Variants in ABCC8 observed in about 807,000 individuals in gnomAD.
ABCC8 encodes ATP-binding cassette sub-family C member 8.
In ABCC8, 137 loss-of-function variants were observed where a neutral mutation model predicts 188.0. The observed-to-expected ratio is 0.73, with a 90% CI of 0.63 to 0.84. The LOEUF is 0.84. Ranked by LOEUF, ABCC8 falls within the 40% of genes least tolerant of loss-of-function variation. The pLI is 0.00. For synonymous variants in ABCC8, 797 were observed against 846.5 expected (o/e 0.94, Z 1.01); for missense variants, 1,750 against 2,072.7 (o/e 0.84, Z 3.02).
intron 4 of ABCC8, among the ~76,000 whole-genome samples, chr11:17,462,179 T>C (rs1957219158): frequency 6.6e-6 from 1 of 152,200 alleles, no homozygotes; most frequent in Non-Finnish European, 1.5e-5. Context: ...CTCCAAGTCA[T>C]GCAGACCTGG....
At chr11:17,428,256 C>T (rs1955678239) in intron 14 of ABCC8, 33 bp downstream of exon 14, 1 of 1,613,758 alleles carries the variant, frequency 6.2e-7, no homozygotes, top group South Asian at 1.1e-5. Flanking sequence ...GGAGTTGGTG[C>T]TGGGTGGCCA....
At chr11:17,462,751 G>A (rs186572891) in intron 4 of ABCC8, among the ~76,000 whole-genome samples, 2 of 151,572 alleles carry the variant, frequency 1.3e-5, no homozygotes, top group African/African-American at 4.9e-5. Context: ...TGGCTTGGAG[G>A]GAGTCCCAAG....
At position 17,467,613 on chromosome 11, in the gene ABCC8, T is replaced by C. The variant is rs376894962; in HGVS notation, c.412+2488A>G. The stretch of plus-strand genomic sequence containing the variant: ...TTCAGAGAACATTTCCTTGGCCTCA[T>C]CTGGGTTCCAGGATCATGGTTCCCT... On this transcript the variant is annotated intron_variant, in intron 3 of 38. Coordinates refer to ENST00000389817, the MANE Select transcript of ABCC8 (RefSeq NM_000352.6). 1.2e-4 allele frequency among the ~76,000 whole-genome samples: 19 copies of C among 152,380 alleles called. No homozygotes were observed. The South Asian group carries it at 1.7e-3, about 13-fold the overall frequency.
chr11:17,465,681 C>T (rs1441032835), intron 3 of ABCC8: 2 of 152,228 alleles, frequency 1.3e-5, no homozygotes, highest in Non-Finnish European at 2.9e-5. Flanking sequence ...CCTCGCCCCA[C>T]ACCTCTCCCA....
Position 17,427,132 on chromosome 11 carries a change from C to T in ABCC8, c.2139G>A (p.Gly713=). The T allele has an allele frequency of 1.9e-6, 3 of 1,613,434 alleles. No homozygotes were observed. The highest frequency in any genetic ancestry group is 2.5e-6 in the Non-Finnish European group (3 of 1,179,746). Residue 713 remains glycine (G), a synonymous_variant, in exon 16 of 39, where the codon GGG becomes GGA. Coordinates refer to ENST00000389817, the MANE Select transcript of ABCC8 (RefSeq NM_000352.6). The surrounding 1 kb of genome is among the most constrained non-coding windows in gnomAD (Gnocchi z 5.0). ...GCGAGGACTTGCCGCAGCCCACCTGCCCCACGATCATAGTCAGCTGGCCTG... is the reference window on the plus strand; with the variant it reads ...GCGAGGACTTGCCGCAGCCCACCTGTCCCACGATCATAGTCAGCTGGCCTG... The part of the protein sequence containing the change: ...IPRGQLTMIV[G]QVGCGKSSLL...
At chr11:17,398,311 G>A (rs1209404369) in intron 30 of ABCC8, 28 bp downstream of exon 30, 1 of 1,613,618 alleles carries the variant, frequency 6.2e-7, no homozygotes, top group Admixed American at 1.7e-5. Flanking sequence ...TCCTATCAGA[G>A]GCCAGGGTAG....
Position 17,398,436 on chromosome 11 carries a change from T to C in ABCC8, c.3656A>G (p.Glu1219Gly). 6.2e-7 allele frequency: 1 copy of C among 1,614,038 alleles called. No homozygotes were observed. The highest frequency in any genetic ancestry group is 2.2e-5 in the East Asian group (1 of 44,872). Residue 1219 changes from glutamate (E) to glycine (G), a missense_variant, in exon 30 of 39, where the codon GAG (glutamate) becomes GGG (glycine). Transcript: ENST00000389817. ...GLTTIRAFRY[E>G]ARFQQKLLEY... ...GAGAAGCTTCTGCTGGAACCGGGCC[T>C]CATACCTGGAGGGAGGATGAGAAGC...
chr11:17,455,583 C>G (rs545813642), intron 6 of ABCC8, among the ~76,000 whole-genome samples: 7 of 152,066 alleles, frequency 4.6e-5, no homozygotes, highest in Non-Finnish European at 7.3e-5. Context: ...CATTATTAGA[C>G]CTCTCTTCAA....
chr11:17,450,260 CTCTTTCTTTCTTTCTTTCTTTCTT>C lies in ABCC8; in HGVS notation c.1177-1613_1177-1590del, dbSNP rs58452277. On this transcript the variant is annotated intron_variant, in intron 7 of 38. Coordinates refer to ENST00000389817, the MANE Select transcript of ABCC8 (RefSeq NM_000352.6). Reference sequence around the variant, plus strand: ...TTCTTTTCTTTTTCTTTCTTTCTTTCTCTTTCTTTCTTTCTTTCTTTCTTTCTTTCTTTCTTTCTTTCTTTCTTT... The same window carrying C: ...TTCTTTTCTTTTTCTTTCTTTCTTTCTCTTTCTTTCTTTCTTTCTTTCTTT... Among the ~76,000 whole-genome samples the C allele has an allele frequency of 4.4e-4, 30 of 67,708 alleles. No individual in the cohort carries two copies. In the South Asian group the frequency reaches 6.3e-3, roughly 14 times the overall value. 44.4% of individuals were successfully genotyped at this position (67,708 alleles called of 152,430 possible).
At chr11:17,443,821 C>T (rs1956419599) in intron 8 of ABCC8, among the ~76,000 whole-genome samples, 1 of 152,140 alleles carries the variant, frequency 6.6e-6, no homozygotes, top group African/African-American at 2.4e-5. Flanking sequence ...ATGAATCTGC[C>T]AGGTATTCCC....
chr11:17,415,473 G>A (rs1260751140), intron 17 of ABCC8, 134 bp from the exon 18 acceptor site: 4 of 1,531,156 alleles, frequency 2.6e-6, no homozygotes, highest in Non-Finnish European at 3.5e-6. Flanking sequence ...AGCCACAAAT[G>A]CTGCATAGAG....
intron 10 of ABCC8, among the ~76,000 whole-genome samples, chr11:17,433,554 C>T (rs1955943900): frequency 1.3e-5 from 2 of 152,252 alleles, no homozygotes; most frequent in Admixed American, 1.3e-4. Context: ...GGTGGAAGGA[C>T]ATGGCCTCTG....
chr11:17,443,492 A>T, intron 8 of ABCC8, 180 bp from the exon 9 acceptor site: 1 of 958,608 alleles, frequency 1.0e-6, no homozygotes, highest in Non-Finnish European at 1.6e-6. Flanking sequence ...TTTCAAAAGG[A>T]GGTTAGCATA....
In ABCC8 at chr11:17,420,417, C is replaced by G. The variant is rs550759065; in HGVS notation, c.2223-3455G>C. 6.6e-5 allele frequency among the ~76,000 whole-genome samples: 10 copies of G among 152,302 alleles called. No individual in the cohort carries two copies. The East Asian group carries it at 1.9e-3, about 29-fold the overall frequency. On this transcript the variant is annotated intron_variant, in intron 16 of 38. Transcript: ENST00000389817. ...GGGCCATCTGGTTCCCATGGCTGGA[C>G]AGTCACTTCCTCAGAGCATCCCTTC...
Position 17,404,376 on chromosome 11 carries a change from T to G in ABCC8, c.3557+136A>C. The G allele has an allele frequency of 4.3e-6, 4 of 926,000 alleles. No homozygotes were observed. The highest frequency in any genetic ancestry group is 2.5e-5 in the East Asian group (1 of 40,772). 57.4% of individuals were successfully genotyped at this position (926,000 alleles called of 1,614,324 possible). On this transcript the variant is annotated intron_variant, in intron 28 of 38. Coordinates refer to ENST00000389817, the MANE Select transcript of ABCC8 (RefSeq NM_000352.6). This position sits in a 1 kb window ranked among gnomAD's most constrained non-coding sequence, Gnocchi z 4.7. ...GTGGAATAAGATGTGGATATTTCTA[T>G]TTCCTTCATTTCTGTTTTTTGTTTT...
At chr11:17,463,226 C>G (rs373510469) in intron 4 of ABCC8, among the ~76,000 whole-genome samples, 8 of 152,216 alleles carry the variant, frequency 5.3e-5, no homozygotes, top group African/African-American at 1.9e-4. Context: ...CCCCCTCTCC[C>G]TCTGGGACCC....
intron 29 of ABCC8, among the ~76,000 whole-genome samples, chr11:17,399,697 C>T (rs995186318): frequency 6.6e-6 from 1 of 152,222 alleles, no homozygotes; most frequent in Non-Finnish European, 1.5e-5. Context: ...CCTCAATAGA[C>T]TGCAAATTCC....
At chr11:17,410,315 T>G in intron 22 of ABCC8, 1 of 598,516 alleles carries the variant, frequency 1.7e-6, no homozygotes, top group Non-Finnish European at 2.9e-6. Flanking sequence ...GGAGTGTCTG[T>G]GGGTCTAGGT....
chr11:17,431,122 A>G, intron 11 of ABCC8, 163 bp from the exon 12 acceptor site: 1 of 1,188,692 alleles, frequency 8.4e-7, no homozygotes, highest in Non-Finnish European at 1.2e-6. Flanking sequence ...CAGTCATCTC[A>G]TGGAAACGTC....
Sources: gnomAD v4.1 joint callset for allele counts (sites outside exome capture counted in the v4.1 genomes callset) on GRCh38, gnomAD v4.1.1 for gene constraint, Gnocchi (gnomAD v3.1) non-coding constraint, MANE v1.5 for transcripts, NCBI Gene and HGNC (gene_info 2026-07-23, HGNC 2026-07-21) for gene names.